Variants in PDE1A observed in about 807,000 individuals in gnomAD.
PDE1A encodes the protein dual specificity calcium/calmodulin-dependent 3',5'-cyclic nucleotide phosphodiesterase 1A.
In PDE1A, 35 loss-of-function variants were observed where a neutral mutation model predicts 61.7. That is an observed-to-expected ratio of 0.57 (90% CI 0.43 to 0.75). The LOEUF is 0.75. Ranked by LOEUF, PDE1A falls within the 30% of genes least tolerant of loss-of-function variation. PDE1A has a pLI of 0.00. For synonymous variants in PDE1A, 232 were observed against 213.2 expected, an observed-to-expected ratio of 1.09 and a Z score of -0.77; for missense variants, 597 against 630.6, an observed-to-expected ratio of 0.95 and a Z score of 0.57.
At chr2:182,241,213 A>C (rs1690480258) in intron 2 of PDE1A, among the ~76,000 whole-genome samples, 1 of 152,222 alleles carries the variant, frequency 6.6e-6, no homozygotes, top group Non-Finnish European at 1.5e-5. Flanking sequence ...CTCCCCACCA[A>C]ATACAGAAAC....
At chr2:182,307,817 C>G (rs1348149512) in intron 1 of PDE1A, among the ~76,000 whole-genome samples, 2 of 152,044 alleles carry the variant, frequency 1.3e-5, no homozygotes, top group African/African-American at 4.8e-5. Context: ...GATTATGCCA[C>G]TGAACTCTAG....
At chr2:182,651,195 T>G in the PDE1A span, among the ~76,000 whole-genome samples, 1 of 152,048 alleles carries the variant, frequency 6.6e-6, no homozygotes, top group Admixed American at 6.6e-5. Flanking sequence ...TTAGTAGAGA[T>G]AGGGGTTCAC....
At chr2:182,403,900 T>G (rs1043574136) in intron 1 of PDE1A, among the ~76,000 whole-genome samples, 1 of 151,990 alleles carries the variant, frequency 6.6e-6, no homozygotes, top group Non-Finnish European at 1.5e-5. Context: ...GGTTGATGGG[T>G]GCAGCAAACC....
At chr2:182,587,865 G>T in the PDE1A span, among the ~76,000 whole-genome samples, 1 of 152,188 alleles carries the variant, frequency 6.6e-6, no homozygotes, top group Non-Finnish European at 1.5e-5. Context: ...GCCAATGTTT[G>T]TTTAATATAC....
intron 7 of PDE1A, among the ~76,000 whole-genome samples, chr2:182,208,685 C>T (rs953427806): frequency 5.3e-5 from 8 of 152,160 alleles, no homozygotes; most frequent in Admixed American, 1.3e-4. Context: ...GTGGAGTGCC[C>T]AAGGCCGTAG....
At chr2:182,147,038 C>A in exon 14 of PDE1A, 1 of 1,278,570 alleles carries the variant, frequency 7.8e-7, no homozygotes, top group African/African-American at 1.5e-5. Flanking sequence ...AAAATTACCT[C>A]TCATGTTTAA....
At chr2:182,208,852 G>A (rs1036142254) in intron 7 of PDE1A, among the ~76,000 whole-genome samples, 6 of 152,194 alleles carry the variant, frequency 3.9e-5, no homozygotes, top group African/African-American at 1.2e-4. Flanking sequence ...TTCGGAATAG[G>A]AGCATTTACC....
At chr2:182,315,327 C>T (rs1289564540) in intron 1 of PDE1A, among the ~76,000 whole-genome samples, 2 of 152,188 alleles carry the variant, frequency 1.3e-5, no homozygotes, top group Non-Finnish European at 1.5e-5. Flanking sequence ...TATTTTTTTA[C>T]CATCTACTAT....
At chr2:182,589,044 AAATAATAATAATAATAATAAT>A in the PDE1A span, among the ~76,000 whole-genome samples, 520 of 138,200 alleles carry the variant, frequency 3.8e-3, 4 homozygotes, top group African/African-American at 0.012. Context: ...CTCTGTCTCA[AAATAATAATAATAATAATAAT>A]AATAATAATA....
chr2:182,648,359 A>C, the PDE1A span, among the ~76,000 whole-genome samples: 3 of 151,748 alleles, frequency 2.0e-5, no homozygotes, highest in African/African-American at 4.9e-5. Context: ...AGTTTGTGGC[A>C]AGAGCTTAAG....
the PDE1A span, among the ~76,000 whole-genome samples, chr2:182,694,503 G>A: frequency 1.3e-5 from 2 of 152,188 alleles, no homozygotes; most frequent in African/African-American, 4.8e-5. Flanking sequence ...AATGATCCAT[G>A]TAAAAGGGCA....
chr2:182,516,826 GAAGGA>G (rs1690218054), intron 2 of PDE1A, among the ~76,000 whole-genome samples: 1 of 77,980 alleles, frequency 1.3e-5, no homozygotes, highest in Admixed American at 1.8e-4. Context: ...GGAAGGGAAG[GAAGGA>G]AGGGAGGGAG....
chr2:182,666,678 G>C, the PDE1A span, among the ~76,000 whole-genome samples: 1 of 151,852 alleles, frequency 6.6e-6, no homozygotes, highest in Non-Finnish European at 1.5e-5. Context: ...GCAAGAAACA[G>C]AGATTTTGCC....
intron 2 of PDE1A, among the ~76,000 whole-genome samples, chr2:182,249,782 C>T (rs1418190869): frequency 6.7e-6 from 1 of 149,980 alleles, no homozygotes; most frequent in Non-Finnish European, 1.5e-5. Context: ...AAGGTAACAC[C>T]AATCCTTCAC....
intron 13 of PDE1A, among the ~76,000 whole-genome samples, chr2:182,185,178 A>T (rs940617247): frequency 6.6e-6 from 1 of 152,190 alleles, no homozygotes; most frequent in African/African-American, 2.4e-5. Context: ...GGAGTATTTT[A>T]AGAAACTTCC....
intron 1 of PDE1A, among the ~76,000 whole-genome samples, chr2:182,309,572 C>A (rs1574314792): frequency 6.6e-6 from 1 of 151,870 alleles, no homozygotes; most frequent in South Asian, 2.1e-4. Context: ...TTAACTGTAC[C>A]CATGATCTCT....
At chr2:182,201,768 A>G (rs1686675861) in exon 9 of PDE1A, 1 of 1,607,660 alleles carries the variant, frequency 6.2e-7, no homozygotes, top group South Asian at 1.1e-5. Flanking sequence ...AAACCATTTC[A>G]ATCACTAGGT....
chr2:182,367,834 C>G, intron 1 of PDE1A, among the ~76,000 whole-genome samples: 1 of 151,922 alleles, frequency 6.6e-6, no homozygotes. Context: ...TATTTATTAT[C>G]TGTCTTTAAA....
At chr2:182,153,392 G>A (rs1690897757) in intron 13 of PDE1A, among the ~76,000 whole-genome samples, 1 of 152,178 alleles carries the variant, frequency 6.6e-6, no homozygotes, top group South Asian at 2.1e-4. Context: ...AAAGAAAAAT[G>A]ATATGCCAGG....
Sources: gnomAD v4.1 joint callset for allele counts (sites outside exome capture counted in the v4.1 genomes callset) on GRCh38, gnomAD v4.1.1 for gene constraint, MANE v1.5 for transcripts, NCBI Gene and HGNC (gene_info 2026-07-23, HGNC 2026-07-21) for gene names.